Variants in ABCA12 observed in about 807,000 individuals in gnomAD.
ABCA12 encodes the protein ATP binding cassette subfamily A member 12.
ABCA12 carries 156 observed loss-of-function variants against 293.5 expected under a neutral mutation model. The ratio of observed to expected loss-of-function variants is 0.53; its 90% confidence interval spans 0.47 to 0.61. The LOEUF (loss-of-function observed/expected upper bound fraction) is 0.61, where lower values mean the gene tolerates loss of function less well. ABCA12 is among the 20% of genes least tolerant of loss of function. The pLI is 0.00. For synonymous variants in ABCA12, 1,063 were observed against 1,108.0 expected (o/e 0.96, Z 0.81); for missense variants, 2,797 against 3,090.2 (o/e 0.91, Z 2.25).
At chr2:214,973,852 C>T (rs1283569373) in intron 36 of ABCA12, 97 bp downstream of exon 36, 4 of 1,071,928 alleles carry the variant, frequency 3.7e-6, no homozygotes, top group African/African-American at 3.1e-5. Context: ...ATAAAATGAA[C>T]TTATACTGAT....
intron 6 of ABCA12, among the ~76,000 whole-genome samples, chr2:215,048,039 A>G (rs1288819196): frequency 6.6e-6 from 1 of 152,172 alleles, no homozygotes; most frequent in African/African-American, 2.4e-5. Flanking sequence ...AAAAGAACAT[A>G]TACCTACAGC....
At chr2:215,050,517 C>T (rs1023742837) in intron 5 of ABCA12, among the ~76,000 whole-genome samples, 3 of 151,986 alleles carry the variant, frequency 2.0e-5, no homozygotes, top group African/African-American at 7.2e-5. Flanking sequence ...TCATATTTAC[C>T]ATTATTAAGT....
intron 11 of ABCA12, among the ~76,000 whole-genome samples, chr2:215,024,219 C>A (rs1245906460): frequency 6.6e-6 from 1 of 152,218 alleles, no homozygotes; most frequent in Non-Finnish European, 1.5e-5. Flanking sequence ...CCTCCATGCA[C>A]AGAAGCCTCT....
At chr2:214,955,110 G>GAT in intron 43 of ABCA12, 92 bp downstream of exon 43, 2 of 1,465,362 alleles carry the variant, frequency 1.4e-6, no homozygotes, top group Non-Finnish European at 1.9e-6. Context: ...AGAATCAAAT[G>GAT]ATATTCTTCT....
Position 214,989,604 on chromosome 2 carries a change from T to A in ABCA12, c.3642A>T (p.Thr1214=). 1 of 1,614,074 alleles carries A rather than the reference T, an allele frequency of 6.2e-7. No individual in the cohort carries two copies. The highest frequency in any genetic ancestry group is 8.5e-7 in the Non-Finnish European group (1 of 1,179,970). ...LKVFMSLLSP[T]AFSYASQYIA... is the part of the protein sequence containing the mutation. ...TGTATTGGCTTGCATAGCTGAATGCTGTTGGGGACAGCAGGCTCTGTGAAG... is the reference window on the plus strand; with the variant it reads ...TGTATTGGCTTGCATAGCTGAATGCAGTTGGGGACAGCAGGCTCTGTGAAG... The change falls in exon 25 of 53, where the codon ACA becomes ACT. Residue 1214 remains threonine (T), a synonymous_variant. Coordinates refer to ENST00000272895, the MANE Select transcript of ABCA12 (RefSeq NM_173076.3).
At chr2:215,065,289 T>A (rs1423614653) in intron 2 of ABCA12, among the ~76,000 whole-genome samples, 5 of 61,704 alleles carry the variant, frequency 8.1e-5, no homozygotes, top group Admixed American at 2.7e-4. Context: ...AATCTCCGCA[T>A]GAATGTGTAA....
intron 1 of ABCA12, among the ~76,000 whole-genome samples, chr2:215,119,726 T>C (rs1447528354): frequency 8.2e-6 from 1 of 121,226 alleles, no homozygotes; most frequent in Non-Finnish European, 1.6e-5. Flanking sequence ...ATGGCCATCA[T>C]TAAAAAGTAA....
intron 2 of ABCA12, among the ~76,000 whole-genome samples, chr2:215,109,042 G>A (rs780028681): frequency 3.3e-5 from 5 of 151,936 alleles, no homozygotes; most frequent in Non-Finnish European, 5.9e-5. Flanking sequence ...ACTCTAGCCT[G>A]GGCGACAGAG....
chr2:214,948,965 T>A, intron 46 of ABCA12, 75 bp downstream of exon 46: 1 of 1,367,790 alleles, frequency 7.3e-7, no homozygotes, highest in East Asian at 2.3e-5. Flanking sequence ...CAAAATAACA[T>A]TAAATGTTCA....
At chr2:214,976,174 A>G (rs1170113986) in intron 33 of ABCA12, 137 bp from the exon 34 acceptor site, 6 of 1,244,246 alleles carry the variant, frequency 4.8e-6, no homozygotes, top group Non-Finnish European at 6.8e-6. Context: ...AGGTTCAGCA[A>G]TGTTATTTCT....
At chr2:215,121,990 C>G (rs1439778898) in intron 1 of ABCA12, among the ~76,000 whole-genome samples, 12 of 152,176 alleles carry the variant, frequency 7.9e-5, no homozygotes, top group Admixed American at 7.2e-4. Context: ...GACTAATACA[C>G]TGGTGTGCCT....
rs373772646 is a variant in ABCA12 at position 214,948,696 on chromosome 2, T to C, written c.7004A>G (p.Tyr2335Cys). ...HVDSHSSLVG[Y>C]CPQEDALDDL... ...ATCTAAGGCATCTTCCTGAGGACAG[T>C]AGCCAACTAATGAGCTGTGAGAATC... The change falls in exon 47 of 53, where the codon TAC (tyrosine) becomes TGC (cysteine). Residue 2335 changes from tyrosine (Y) to cysteine (C), a missense_variant. By Grantham distance (194) the Tyr-to-Cys change is radical. Transcript: ENST00000272895. 10 of 1,614,020 alleles carry C rather than the reference T, an allele frequency of 6.2e-6. No individual in the cohort carries two copies. The African/African-American group carries it at 6.7e-5, about 11-fold the overall frequency.
chr2:215,002,703 C>T (rs762772017), intron 20 of ABCA12, among the ~76,000 whole-genome samples: 3 of 151,850 alleles, frequency 2.0e-5, no homozygotes, highest in Non-Finnish European at 4.4e-5. Context: ...GAACAGTGGC[C>T]TCCAGCGGCC....
At chr2:215,064,693 GCACACACACACA>G (rs10541959) in intron 2 of ABCA12, among the ~76,000 whole-genome samples, 44,713 of 139,814 alleles carry the variant, frequency 0.32, 6,879 homozygotes, top group Middle Eastern at 0.38. Context: ...TTTAATACAC[GCACACACACACA>G]CACACACACA....
At chr2:215,101,066 G>A (rs1013977754) in intron 2 of ABCA12, among the ~76,000 whole-genome samples, 11 of 152,142 alleles carry the variant, frequency 7.2e-5, no homozygotes, top group Admixed American at 3.9e-4. Context: ...TTCAATATAA[G>A]ACATGAAGAA....
At chr2:215,032,254 G>A in intron 8 of ABCA12, 1 of 419,236 alleles carries the variant, frequency 2.4e-6, no homozygotes, top group Non-Finnish European at 3.4e-6. Context: ...TTAATCAAAT[G>A]AAGCCAATTT....
intron 36 of ABCA12, 84 bp from the exon 37 acceptor site, chr2:214,970,484 TG>T: frequency 6.6e-7 from 1 of 1,509,080 alleles, no homozygotes; most frequent in Non-Finnish European, 9.2e-7. Context: ...TTCAGTCTCA[TG>T]ATTTGTCTAT....
chr2:215,018,742 A>G (rs1226139709), intron 13 of ABCA12, among the ~76,000 whole-genome samples: 1 of 152,258 alleles, frequency 6.6e-6, no homozygotes, highest in Non-Finnish European at 1.5e-5. Context: ...AGATTGTAAT[A>G]ATCATCCTGC....
chr2:215,107,875 G>A (rs1462145677), intron 2 of ABCA12, among the ~76,000 whole-genome samples: 1 of 152,226 alleles, frequency 6.6e-6, no homozygotes, highest in Non-Finnish European at 1.5e-5. Flanking sequence ...CAGTCTTAAT[G>A]TTGAAAGAGC....
Sources: gnomAD v4.1 joint callset for allele counts (sites outside exome capture counted in the v4.1 genomes callset) on GRCh38, gnomAD v4.1.1 for gene constraint, MANE v1.5 for transcripts, NCBI Gene and HGNC (gene_info 2026-07-23, HGNC 2026-07-21) for gene names.